The following GPC6 variants were observed in gnomAD, a reference collection of about 807,000 sequenced individuals.
GPC6 encodes the protein glypican-6.
In GPC6, 14 loss-of-function variants were observed where a neutral mutation model predicts 55.2. The observed-to-expected ratio is 0.25, with a 90% CI of 0.17 to 0.40. GPC6 has a LOEUF of 0.40. GPC6 is among the 10% of genes least tolerant of loss of function. GPC6 has a pLI of 1.00. For synonymous variants in GPC6, 278 were observed against 259.6 expected (o/e 1.07, Z -0.68); for missense variants, 641 against 708.5 (o/e 0.90, Z 1.08).
chr13:94,055,378 C>T (rs929554969), intron 4 of GPC6, among the ~76,000 whole-genome samples: 1 of 151,922 alleles, frequency 6.6e-6, no homozygotes, highest in African/African-American at 2.4e-5. Flanking sequence ...ATAGCACTGG[C>T]CAAAAATCCT....
chr13:94,400,744 C>T (rs538701273), intron 8 of GPC6, among the ~76,000 whole-genome samples: 1 of 152,304 alleles, frequency 6.6e-6, no homozygotes, highest in African/African-American at 2.4e-5. Flanking sequence ...AGAGCATCAC[C>T]ACTTCGGACT....
intron 1 of GPC6, among the ~76,000 whole-genome samples, chr13:93,480,751 T>A (rs1879485688): frequency 6.6e-6 from 1 of 152,210 alleles, no homozygotes; most frequent in Admixed American, 6.5e-5. Context: ...TCAAGGGTCA[T>A]CTACACTGTA....
intron 3 of GPC6, among the ~76,000 whole-genome samples, chr13:93,841,707 G>C (rs1887961698): frequency 6.6e-6 from 1 of 152,132 alleles, no homozygotes; most frequent in African/African-American, 2.4e-5. Context: ...TGCATACACA[G>C]AATTTTTTAA....
At chr13:93,340,411 C>T (rs1252109958) in intron 1 of GPC6, among the ~76,000 whole-genome samples, 1 of 152,098 alleles carries the variant, frequency 6.6e-6, no homozygotes. Flanking sequence ...GGGACAAAGT[C>T]CACACTTTTA....
At chr13:94,271,445 C>T (rs1260416138) in intron 4 of GPC6, among the ~76,000 whole-genome samples, 5 of 151,904 alleles carry the variant, frequency 3.3e-5, no homozygotes, top group African/African-American at 1.2e-4. Context: ...TTCTGCAGGT[C>T]TCCTTGGCTA....
intron 1 of GPC6, among the ~76,000 whole-genome samples, chr13:93,532,256 C>G (rs1881896370): frequency 2.0e-5 from 3 of 152,130 alleles, no homozygotes; most frequent in South Asian, 2.1e-4. Context: ...GATTTTCTCT[C>G]AAGATCTTTC....
intron 3 of GPC6, among the ~76,000 whole-genome samples, chr13:93,999,364 CT>C (rs1243878806): frequency 1.1e-4 from 17 of 152,128 alleles, no homozygotes; most frequent in Non-Finnish European, 1.5e-4. Context: ...ATGAACTCAT[CT>C]TTTTTATGGC....
At chr13:93,393,941 C>T (rs545972778) in intron 1 of GPC6, among the ~76,000 whole-genome samples, 12 of 152,126 alleles carry the variant, frequency 7.9e-5, no homozygotes, top group African/African-American at 2.7e-4. Context: ...ATAGCAGAGA[C>T]TCAGTAAACT....
At chr13:94,064,023 G>A (rs1884429840) in intron 4 of GPC6, among the ~76,000 whole-genome samples, 1 of 152,092 alleles carries the variant, frequency 6.6e-6, no homozygotes, top group Admixed American at 6.6e-5. Context: ...CCTTGTCTTG[G>A]TCAGAGGGGA....
chr13:94,270,213 C>T (rs1387559524), intron 4 of GPC6, among the ~76,000 whole-genome samples: 1 of 151,978 alleles, frequency 6.6e-6, no homozygotes, highest in East Asian at 1.9e-4. Context: ...CTTTGTTCTT[C>T]AATGAATAAA....
intron 4 of GPC6, among the ~76,000 whole-genome samples, chr13:94,179,833 G>A (rs1417928028): frequency 6.6e-6 from 1 of 151,998 alleles, no homozygotes; most frequent in African/African-American, 2.4e-5. Flanking sequence ...ACTACTTTTG[G>A]GGTAATAATG....
chr13:93,949,463 A>G (rs1025973238), intron 3 of GPC6, among the ~76,000 whole-genome samples: 1 of 152,180 alleles, frequency 6.6e-6, no homozygotes, highest in Non-Finnish European at 1.5e-5. Context: ...GTGGCATAAA[A>G]TCTGAGATTT....
chr13:93,443,714 C>A (rs563980585), intron 1 of GPC6, among the ~76,000 whole-genome samples: 3 of 152,196 alleles, frequency 2.0e-5, no homozygotes, highest in South Asian at 2.1e-4. Context: ...GTTTCTGGGA[C>A]TGTTATGTAA....
chr13:93,560,355 A>C (rs1186141457), intron 2 of GPC6, among the ~76,000 whole-genome samples: 1 of 151,784 alleles, frequency 6.6e-6, no homozygotes, highest in Non-Finnish European at 1.5e-5. Context: ...CAAAAAAAAA[A>C]AAAAAAAAAA....
intron 1 of GPC6, among the ~76,000 whole-genome samples, chr13:93,342,105 G>A (rs922648318): frequency 3.3e-5 from 5 of 151,818 alleles, no homozygotes; most frequent in Admixed American, 6.6e-5. Context: ...TCCTGACCTC[G>A]TGAATCACCC....
At chr13:93,921,228 C>T (rs184141963) in intron 3 of GPC6, among the ~76,000 whole-genome samples, 3 of 152,242 alleles carry the variant, frequency 2.0e-5, no homozygotes, top group East Asian at 3.9e-4. Flanking sequence ...CAGACAGGTG[C>T]GGGAGTCGGG....
intron 2 of GPC6, among the ~76,000 whole-genome samples, chr13:93,697,855 A>G (rs1882514864): frequency 6.6e-6 from 1 of 152,120 alleles, no homozygotes; most frequent in South Asian, 2.1e-4. Flanking sequence ...TAATCCATCA[A>G]CTGTTCAAAA....
In GPC6 at chr13:94,403,208, G is replaced by T; in HGVS notation, c.1659G>T (p.Leu553=). The change falls in exon 9 of 9, where the codon CTG becomes CTT. Residue 553 remains leucine, a synonymous_variant. Coordinates refer to ENST00000377047, the MANE Select transcript of GPC6 (RefSeq NM_005708.5). ...GCATTGTCCTGGCACTGCAGAGACT[G>T]TGCAGATAATCTTGGGTTTTTGGTC... is the stretch of plus-strand genomic sequence containing the variant. ...LTCIVLALQR[L]CR 6.2e-7 allele frequency: 1 copy of T among 1,611,848 alleles called. No homozygotes were observed. Among genetic ancestry groups the T allele is most frequent in the Admixed American group, 1.7e-5 (1 of 60,020 alleles).
intron 6 of GPC6, 103 bp from the exon 7 acceptor site, chr13:94,382,311 G>T: frequency 8.4e-7 from 1 of 1,193,420 alleles, no homozygotes; most frequent in South Asian, 1.2e-5. Context: ...GTTCCTGCTG[G>T]TCATATCACA....
Sources: gnomAD v4.1 joint callset for allele counts (sites outside exome capture counted in the v4.1 genomes callset) on GRCh38, gnomAD v4.1.1 for gene constraint, MANE v1.5 for transcripts, NCBI Gene and HGNC (gene_info 2026-07-23, HGNC 2026-07-21) for gene names.